The following SIM1 variants were observed in gnomAD, a reference collection of about 807,000 sequenced individuals.
The protein encoded by SIM1 is SIM bHLH transcription factor 1, also known as single-minded homolog 1.
A neutral mutation model predicts 78.2 loss-of-function variants in SIM1; 18 were observed. That is an observed-to-expected ratio of 0.23 (90% CI 0.16 to 0.34). The LOEUF (loss-of-function observed/expected upper bound fraction) is 0.34. Among genes scored for constraint, SIM1 ranks in the 10% least tolerant of loss-of-function variants. SIM1 has a pLI of 1.00. For missense variants in SIM1, 939 were observed against 975.1 expected (o/e 0.96, Z 0.49); for synonymous variants, 417 against 385.2 (o/e 1.08, Z -0.97).
At chr6:100,412,601 AAGAAAGAAAGG>A (rs1771236212) in intron 10 of SIM1, among the ~76,000 whole-genome samples, 3 of 110,598 alleles carry the variant, frequency 2.7e-5, no homozygotes, top group African/African-American at 9.1e-5. Context: ...GAAAGAAAGA[AAGAAAGAAAGG>A]AAAGAAAGAA....
At chr6:100,456,054 C>G (rs1017547656) in intron 2 of SIM1, among the ~76,000 whole-genome samples, 1 of 152,132 alleles carries the variant, frequency 6.6e-6, no homozygotes, top group African/African-American at 2.4e-5. Flanking sequence ...GCCCCACCCC[C>G]GCCACCTTTT....
chr6:100,418,929 G>A (rs1771484792), intron 10 of SIM1, among the ~76,000 whole-genome samples: 1 of 149,720 alleles, frequency 6.7e-6, no homozygotes, highest in Non-Finnish European at 1.5e-5. Context: ...GACTTTGGGA[G>A]GCTGAGGCGA....
rs187919994 is a variant in SIM1 at position 100,449,134 on chromosome 6, C to G, written c.543+229G>C. On this transcript the variant is annotated intron_variant, in intron 6 of 11. Transcript: ENST00000369208. ...CTACGGGTCACAAGTTCATAGCCCC[C>G]GCGGCCACCCAGTATTGGGACCCAG... Among the ~76,000 whole-genome samples the G allele has an allele frequency of 1.1e-4, 17 of 152,344 alleles. No individual in the cohort carries two copies. The East Asian group carries it at 3.1e-3, about 28-fold the overall frequency.
intron 3 of SIM1, 82 bp downstream of exon 3, chr6:100,453,680 T>C: frequency 9.5e-7 from 1 of 1,055,840 alleles, no homozygotes; most frequent in Non-Finnish European, 1.4e-6. Context: ...GTTTTTGTTT[T>C]CTGAGAAACT....
chr6:100,438,391 C>G (rs1562250793), intron 9 of SIM1, among the ~76,000 whole-genome samples: 1 of 152,148 alleles, frequency 6.6e-6, no homozygotes, highest in Non-Finnish European at 1.5e-5. Flanking sequence ...CAGGGGAATG[C>G]AAACTAAAAC....
At chr6:100,413,612 A>T (rs1272469939) in intron 10 of SIM1, among the ~76,000 whole-genome samples, 1 of 152,164 alleles carries the variant, frequency 6.6e-6, no homozygotes, top group Non-Finnish European at 1.5e-5. Context: ...TTAGGAATGC[A>T]TTCTAAATGC....
intron 10 of SIM1, among the ~76,000 whole-genome samples, chr6:100,414,495 G>T (rs111527511): frequency 0.024 from 3,691 of 152,192 alleles, 143 homozygotes; most frequent in African/African-American, 0.084. Context: ...GATTATAAAG[G>T]TCTACTCTAA....
chr6:100,449,459 G>A lies in SIM1; in HGVS notation c.458-11C>T. The A allele has an allele frequency of 1.9e-6, 3 of 1,611,360 alleles. No individual in the cohort carries two copies. In the East Asian group the frequency reaches 6.7e-5, roughly 36 times the overall value. ...GCTCGATCTCATACTCTGGGAGAGA[G>A]GAACGAAGGGAAGCTCAGGTCGTGT... On this transcript the variant is annotated splice_polypyrimidine_tract_variant and intron_variant, in intron 5 of 11. Coordinates refer to ENST00000369208, the MANE Select transcript of SIM1 (RefSeq NM_005068.3).
chr6:100,440,872 AT>A (rs573614205), intron 9 of SIM1, among the ~76,000 whole-genome samples: 42 of 152,004 alleles, frequency 2.8e-4, no homozygotes, highest in African/African-American at 1.0e-3. Context: ...CCACACACAC[AT>A]CTTGTATCAA....
chr6:100,419,304 C>A (rs1454882791), intron 10 of SIM1, among the ~76,000 whole-genome samples: 1 of 152,180 alleles, frequency 6.6e-6, no homozygotes, highest in Non-Finnish European at 1.5e-5. Flanking sequence ...ACTCTCCTTT[C>A]TTTTGCCAGA....
rs150694838 is a variant in SIM1 at position 100,393,777 on chromosome 6, C to A, written c.1280G>T (p.Gly427Val). The change falls in exon 11 of 12, where the codon GGC becomes GTC. Residue 427 changes from glycine to valine, a missense_variant. Gly to Val is a moderately radical substitution (Grantham distance 109, BLOSUM62 -3). This residue lies in a region of SIM1 where 556 missense variants were observed against 521.9 expected (regional missense o/e 1.07). Coordinates refer to ENST00000369208, the MANE Select transcript of SIM1 (RefSeq NM_005068.3). The stretch of plus-strand genomic sequence containing the variant: ...GGCGCACGATGCGTCGTGCTGGGAG[C>A]CAGGCCTATCGGCGGGGTCCAGAAG... ...PQLLDPADRPGSQHDASCAYR... is the reference protein window; with the variant it reads ...PQLLDPADRPVSQHDASCAYR... 7 of 1,613,962 alleles carry A rather than the reference C, an allele frequency of 4.3e-6. No homozygotes were observed. In the African/African-American group the frequency reaches 8.0e-5, roughly 18 times the overall value.
intron 3 of SIM1, 62 bp from the exon 4 acceptor site, chr6:100,450,418 G>A: frequency 1.4e-6 from 2 of 1,467,218 alleles, no homozygotes; most frequent in Non-Finnish European, 1.9e-6. Context: ...AATGGGAGCA[G>A]GAGGACAGAA....
Position 100,387,606 on chromosome 6 carries a change from T to C in SIM1, c.*2755A>G, listed in dbSNP as rs1409524934. Reference sequence around the variant, plus strand: ...TGTAATAAAACTGCTACTATAAAATTATTGACATTCAGTAAATTTTAAAAT... The same window carrying C: ...TGTAATAAAACTGCTACTATAAAATCATTGACATTCAGTAAATTTTAAAAT... On this transcript the variant is annotated 3_prime_UTR_variant, in exon 12 of 12. Coordinates refer to ENST00000369208, the MANE Select transcript of SIM1 (RefSeq NM_005068.3). 2.6e-5 allele frequency: 4 copies of C among 152,104 alleles called. 1 individual carries two copies. The South Asian group carries it at 8.3e-4, about 31-fold the overall frequency. The allele number at this position is 152,104 out of a possible 1,614,324, so 9.4% of individuals were successfully genotyped here.
chr6:100,408,312 T>C (rs555529535), intron 10 of SIM1, among the ~76,000 whole-genome samples: 1 of 152,238 alleles, frequency 6.6e-6, no homozygotes, highest in South Asian at 2.1e-4. Flanking sequence ...TATATGTCTG[T>C]TTTAAAGCTG....
Position 100,448,512 on chromosome 6 carries a change from C to T in SIM1, c.710G>A (p.Ser237Asn), listed in dbSNP as rs1772423078. The T allele has an allele frequency of 6.2e-7, 1 of 1,614,090 alleles. No individual in the cohort carries two copies. The highest frequency in any genetic ancestry group is 1.1e-5 in the South Asian group (1 of 91,082). The change falls in exon 7 of 12, where the codon AGC becomes AAC. Residue 237 changes from serine to asparagine, a missense_variant. Ser to Asn is a conservative substitution (Grantham distance 46, BLOSUM62 1). This residue lies in a region of SIM1 where 187 missense variants were observed against 191.6 expected (regional missense o/e 0.98). Coordinates refer to ENST00000369208, the MANE Select transcript of SIM1 (RefSeq NM_005068.3). ...LHSNMFMFRASLDMKLIFLDS... is the reference protein window; with the variant it reads ...LHSNMFMFRANLDMKLIFLDS... ...CAGAAAGATGAGCTTCATGTCCAGG[C>T]TGGCGCGGAACATAAACATATTGCT...
chr6:100,463,629 T>C lies in SIM1; in HGVS notation c.-161A>G, dbSNP rs542441196. 3.2e-6 allele frequency: 2 copies of C among 630,894 alleles called. No homozygotes were observed. Among genetic ancestry groups the C allele is most frequent in the African/African-American group, 1.8e-5 (1 of 55,240 alleles). 39.1% of individuals were successfully genotyped at this position (630,894 alleles called of 1,614,324 possible). On this transcript the variant is annotated 5_prime_UTR_variant, in exon 2 of 12. Coordinates refer to ENST00000369208, the MANE Select transcript of SIM1 (RefSeq NM_005068.3). Reference sequence around the variant, plus strand: ...ACCAAGAACAGTGTATTGATGGCAGTAAAAGACCAGCGGGGGTGAACGGAA... The same window carrying C: ...ACCAAGAACAGTGTATTGATGGCAGCAAAAGACCAGCGGGGGTGAACGGAA...
At chr6:100,448,974 A>T (rs991085108) in intron 6 of SIM1, among the ~76,000 whole-genome samples, 2 of 152,218 alleles carry the variant, frequency 1.3e-5, no homozygotes, top group Non-Finnish European at 2.9e-5. Context: ...GTTCAAGGAC[A>T]TTCAACGTGA....
chr6:100,397,753 A>G (rs1458939746), intron 10 of SIM1, among the ~76,000 whole-genome samples: 1 of 152,150 alleles, frequency 6.6e-6, no homozygotes, highest in East Asian at 1.9e-4. Flanking sequence ...ACAGGAAGGG[A>G]TAAAGCATTT....
At chr6:100,455,642 G>A (rs962534342) in intron 2 of SIM1, among the ~76,000 whole-genome samples, 13 of 152,232 alleles carry the variant, frequency 8.5e-5, no homozygotes, top group African/African-American at 3.1e-4. Context: ...GCTGGCCCTT[G>A]GGCGCTCTGG....
Sources: gnomAD v4.1 joint callset for allele counts (sites outside exome capture counted in the v4.1 genomes callset) on GRCh38, gnomAD v4.1.1 for gene constraint, gnomAD v4.1.1 regional missense constraint, MANE v1.5 for transcripts, NCBI Gene and HGNC (gene_info 2026-07-23, HGNC 2026-07-21) for gene names.